Variants in ZNF772 observed in about 807,000 individuals in gnomAD.
ZNF772 encodes the protein zinc finger protein 772.
In ZNF772, 8 loss-of-function variants were observed where a neutral mutation model predicts 11.0. That is an observed-to-expected ratio of 0.73 (90% CI 0.43 to 1.31). The LOEUF is 1.31. Among genes scored for constraint, ZNF772 ranks in the 50% most tolerant of loss-of-function variants. The pLI is 0.01. For missense variants in ZNF772, 496 were observed against 552.3 expected, an observed-to-expected ratio of 0.90 and a Z score of 1.02; for synonymous variants, 155 against 180.4, an observed-to-expected ratio of 0.86 and a Z score of 1.13.
Position 57,471,331 on chromosome 19 carries a change from AAC to A in ZNF772, c.*1941_*1942del, listed in dbSNP as rs913643290. On this transcript the variant is annotated 3_prime_UTR_variant, in exon 4 of 4. Transcript: ENST00000356584. Reference sequence around the variant, plus strand: ...ATTGGTGCAAAACTTGTTACAAAAAAACAAAACAAAACAAAACAAAATAGCAA... The same window carrying A: ...ATTGGTGCAAAACTTGTTACAAAAAAAAAACAAAACAAAACAAAATAGCAA... 0.016 allele frequency: 31 copies of A among 1,972 alleles called. No individual in the cohort carries two copies. The highest frequency in any genetic ancestry group is 0.038 in the Admixed American group (17 of 444). The allele number at this position is 1,972 out of a possible 1,614,324, so 0.1% of individuals were successfully genotyped here.
At position 57,471,348 on chromosome 19, in the gene ZNF772, CAAAAT is replaced by C. The variant is rs979272398; in HGVS notation, c.*1921_*1925del. 2 of 122,836 alleles carry C rather than the reference CAAAAT, an allele frequency of 1.6e-5. No homozygotes were observed. Among genetic ancestry groups the C allele is most frequent in the Non-Finnish European group, 3.6e-5 (2 of 56,016 alleles). 7.6% of individuals were successfully genotyped at this position (122,836 alleles called of 1,614,324 possible). ...TACAAAAAAACAAAACAAAACAAAA[CAAAAT>C]AGCAAATCAAATTCAACAATATACT... is the stretch of plus-strand genomic sequence containing the variant. On this transcript the variant is annotated 3_prime_UTR_variant, in exon 4 of 4. Transcript: ENST00000356584.
At position 57,471,980 on chromosome 19, in the gene ZNF772, A is replaced by G. The variant is rs779670505; in HGVS notation, c.*1294T>C. The G allele has an allele frequency of 5.5e-5, 17 of 309,584 alleles. No homozygotes were observed. Among genetic ancestry groups the G allele is most frequent in the Non-Finnish European group, 1.3e-5 (2 of 157,666 alleles). The allele number at this position is 309,584 out of a possible 1,614,324, so 19.2% of individuals were successfully genotyped here. A position where few individuals can be genotyped will look rare whatever the true frequency, so the allele number is the denominator to read the frequency against. ...AACTTTTGGTTTGAGAAGTGCCAAC[A>G]TGTATCAAAACTTATCAAATGGTAC... On this transcript the variant is annotated 3_prime_UTR_variant, in exon 4 of 4. Coordinates refer to ENST00000356584, the MANE Select transcript of ZNF772 (RefSeq NM_001144068.2).
rs1277601016 is a variant in ZNF772, at chr19:57,476,687, G to A, written c.34-15C>T. Reference sequence around the variant, plus strand: ...TTCATGGGAACCTGTGGGGAAGAGGGAGACTATGCGAGTCAAGCAATCTTG... The same window carrying A: ...TTCATGGGAACCTGTGGGGAAGAGGAAGACTATGCGAGTCAAGCAATCTTG... On this transcript the variant is annotated splice_polypyrimidine_tract_variant and intron_variant, in intron 1 of 3. Transcript: ENST00000356584. 6.3e-7 allele frequency: 1 copy of A among 1,577,646 alleles called. No individual in the cohort carries two copies. The highest frequency in any genetic ancestry group is 8.6e-7 in the Non-Finnish European group (1 of 1,160,334).
Position 57,471,882 on chromosome 19 carries a change from C to A in ZNF772, c.*1392G>T. The A allele has an allele frequency of 7.8e-6, 2 of 256,346 alleles. No homozygotes were observed. Among genetic ancestry groups the A allele is most frequent in the East Asian group, 1.2e-4 (1 of 8,560 alleles). 15.9% of individuals were successfully genotyped at this position (256,346 alleles called of 1,614,324 possible). ...AGAATTCTAGGAAATACAAACAAAT[C>A]TACAGTGACAACGGATCAATAGTTG... is the stretch of plus-strand genomic sequence containing the variant. On this transcript the variant is annotated 3_prime_UTR_variant, in exon 4 of 4. Coordinates refer to ENST00000356584, the MANE Select transcript of ZNF772 (RefSeq NM_001144068.2).
Position 57,470,148 on chromosome 19 carries a change from G to C in ZNF772, c.*3126C>G, listed in dbSNP as rs1036483146. The C allele has an allele frequency of 2.0e-5, 3 of 152,232 alleles. No individual in the cohort carries two copies. The highest frequency in any genetic ancestry group is 4.8e-5 in the African/African-American group (2 of 41,450). 9.4% of individuals were successfully genotyped at this position (152,232 alleles called of 1,614,324 possible). A position where few individuals can be genotyped will look rare whatever the true frequency, so the allele number is the denominator to read the frequency against. ...GGAGGCTGAGGCAGGCGGATCACAA[G>C]ATCAGGAGATCGAGACCATCCTGGC... On this transcript the variant is annotated 3_prime_UTR_variant, in exon 4 of 4. Transcript: ENST00000356584.
rs2089248005 is a variant in ZNF772 at position 57,473,843 on chromosome 19, T to C, written c.778A>G (p.Lys260Glu). The C allele has an allele frequency of 4.3e-6, 7 of 1,614,044 alleles. No homozygotes were observed. The highest frequency in any genetic ancestry group is 5.9e-6 in the Non-Finnish European group (7 of 1,180,006). Residue 260 changes from lysine (K) to glutamate (E), a missense_variant, in exon 4 of 4, where the codon AAA becomes GAA. Physicochemically the swap from Lys to Glu is moderately conservative, Grantham distance 56. Transcript: ENST00000356584. Reference protein sequence around the residue: ...ERPYECGECGKTFSRKPILAQ... With the variant: ...ERPYECGECGETFSRKPILAQ... ...AGTATGGGTTTGCGGCTAAAGGTTT[T>C]CCCACATTCACCGCACTCATAAGGC...
In ZNF772 at chr19:57,471,357, A is replaced by C. The variant is rs910623615; in HGVS notation, c.*1917T>G. 6.6e-6 allele frequency: 1 copy of C among 152,202 alleles called. No homozygotes were observed. Among genetic ancestry groups the C allele is most frequent in the African/African-American group, 2.4e-5 (1 of 41,446 alleles). The allele number at this position is 152,202 out of a possible 1,614,324, so 9.4% of individuals were successfully genotyped here. A position where few individuals can be genotyped will look rare whatever the true frequency, so the allele number is the denominator to read the frequency against. ...ACAAAACAAAACAAAACAAAATAGCAAATCAAATTCAACAATATACTAAAT... is the reference window on the plus strand; with the variant it reads ...ACAAAACAAAACAAAACAAAATAGCCAATCAAATTCAACAATATACTAAAT... On this transcript the variant is annotated 3_prime_UTR_variant, in exon 4 of 4. Transcript: ENST00000356584.
In ZNF772 at chr19:57,473,914, C is replaced by T. The variant is rs767521942; in HGVS notation, c.707G>A (p.Arg236His). The change falls in exon 4 of 4, where the codon CGC becomes CAC. Residue 236 changes from arginine (R) to histidine (H), a missense_variant. Arg to His is a conservative substitution (Grantham distance 29, BLOSUM62 0). Transcript: ENST00000356584. ...KCSECGKTFSRKDSLVQHQRV... is the reference protein window; with the variant it reads ...KCSECGKTFSHKDSLVQHQRV... ...CTGGTGTTGAACAAGTGAGTCTTTG[C>T]GGCTGAAGGTTTTCCCACATTCACT... 2.5e-5 allele frequency: 41 copies of T among 1,613,962 alleles called. No homozygotes were observed. The highest frequency in any genetic ancestry group is 2.0e-4 in the Admixed American group (12 of 60,004).
At position 57,477,367 on chromosome 19, in the gene ZNF772, C is replaced by T; in HGVS notation, c.-58G>A. On this transcript the variant is annotated 5_prime_UTR_variant, in exon 1 of 4. Transcript: ENST00000356584. ...GTGCAGGAACCTGGGATCAGCTGTC[C>T]AGGGCCCAGCCCAGCGGCTAGGTCA... 4 of 1,602,626 alleles carry T rather than the reference C, an allele frequency of 2.5e-6. No homozygotes were observed. Among genetic ancestry groups the T allele is most frequent in the Non-Finnish European group, 3.4e-6 (4 of 1,172,512 alleles).
chr19:57,470,847 G>T lies in ZNF772; in HGVS notation c.*2427C>A, dbSNP rs1439424189. The T allele has an allele frequency of 1.3e-5, 2 of 152,156 alleles. No homozygotes were observed. The highest frequency in any genetic ancestry group is 1.3e-4 in the Admixed American group (2 of 15,268). The allele number at this position is 152,156 out of a possible 1,614,324, so 9.4% of individuals were successfully genotyped here. On this transcript the variant is annotated 3_prime_UTR_variant, in exon 4 of 4. Coordinates refer to ENST00000356584, the MANE Select transcript of ZNF772 (RefSeq NM_001144068.2). The stretch of plus-strand genomic sequence containing the variant: ...CACTCTAGAGATAGATGGATGGATG[G>T]AGTGACAAACAGATGGACGGACAGA...
In ZNF772 at chr19:57,473,601, G is replaced by A. The variant is rs527708615; in HGVS notation, c.1020C>T (p.Ser340=). The change falls in exon 4 of 4, where the codon AGC becomes AGT. Residue 340 remains serine, a synonymous_variant. Transcript: ENST00000356584. ...TGTGACCAAAGTATTTTCCACATTC[G>A]CTGCACTCATATGGCCTTTCTCCAG... ...IHTGERPYEC[S]ECGKYFGHKY... 24 of 1,613,220 alleles carry A rather than the reference G, an allele frequency of 1.5e-5. No homozygotes were observed. The highest frequency in any genetic ancestry group is 1.2e-4 in the African/African-American group (9 of 74,700).
In ZNF772 at chr19:57,473,751, A is replaced by G. The variant is rs773280638; in HGVS notation, c.870T>C (p.Phe290=). The change falls in exon 4 of 4, where the codon TTT becomes TTC. Residue 290 remains phenylalanine, a synonymous_variant. Transcript: ENST00000356584. Reference sequence around the variant, plus strand: ...GTACAATAAGGTTAGAGCTATGATTAAAAACTTTCCCACATATGCCACACT... The same window carrying G: ...GTACAATAAGGTTAGAGCTATGATTGAAAACTTTCCCACATATGCCACACT... The part of the protein sequence containing the change: ...PYECGICGKV[F]NHSSNLIVHQ... 34 of 1,614,144 alleles carry G rather than the reference A, an allele frequency of 2.1e-5. No homozygotes were observed. In the South Asian group the frequency reaches 3.4e-4, roughly 16 times the overall value.
Position 57,473,717 on chromosome 19 carries a change from C to A in ZNF772, c.904G>T (p.Val302Leu). Residue 302 changes from valine (V) to leucine (L), a missense_variant, in exon 4 of 4, where the codon GTA (valine) becomes TTA (leucine). Val to Leu is a conservative substitution (Grantham distance 32, BLOSUM62 1). Transcript: ENST00000356584. ...HSSNLIVHQR[V>L]HTGARPYKCS... ...TTGTAAGGCCTTGCTCCAGTGTGTA[C>A]TCTTTGATGTACAATAAGGTTAGAG... The A allele has an allele frequency of 6.2e-7, 1 of 1,614,158 alleles. No homozygotes were observed. Among genetic ancestry groups the A allele is most frequent in the Non-Finnish European group, 8.5e-7 (1 of 1,180,036 alleles).
In ZNF772 at chr19:57,475,888, C is replaced by T; in HGVS notation, c.73-102G>A. ...CTCCTGTACACCCTCCTACCTAACT[C>T]CTCAACTCAGGAAATATCAGGACCA... On this transcript the variant is annotated intron_variant, in intron 2 of 3. Coordinates refer to ENST00000356584, the MANE Select transcript of ZNF772 (RefSeq NM_001144068.2). The surrounding 1 kb of genome is among the most constrained non-coding windows in gnomAD (Gnocchi z 4.2). 1.4e-6 allele frequency: 2 copies of T among 1,468,174 alleles called. No individual in the cohort carries two copies. The highest frequency in any genetic ancestry group is 2.7e-5 in the South Asian group (2 of 74,290). 90.9% of individuals were successfully genotyped at this position (1,468,174 alleles called of 1,614,324 possible).
rs2123138075 is a variant in ZNF772, at chr19:57,470,029, T to A, written c.*3245A>T. ...TAACATACATTTAAAAAGAGCCATG[T>A]GTCAAGAAGAATTTTTTTAACTGGA... is the stretch of plus-strand genomic sequence containing the variant. On this transcript the variant is annotated 3_prime_UTR_variant, in exon 4 of 4. Coordinates refer to ENST00000356584, the MANE Select transcript of ZNF772 (RefSeq NM_001144068.2). The A allele has an allele frequency of 6.6e-6, 1 of 152,332 alleles. No homozygotes were observed. The highest frequency in any genetic ancestry group is 2.4e-5 in the African/African-American group (1 of 41,582). The allele number at this position is 152,332 out of a possible 1,614,324, so 9.4% of individuals were successfully genotyped here. A position where few individuals can be genotyped will look rare whatever the true frequency, so the allele number is the denominator to read the frequency against.
In ZNF772 at chr19:57,472,945, T is replaced by C. The variant is rs1038692815; in HGVS notation, c.*329A>G. On this transcript the variant is annotated 3_prime_UTR_variant, in exon 4 of 4. Coordinates refer to ENST00000356584, the MANE Select transcript of ZNF772 (RefSeq NM_001144068.2). ...ATCCTTGATGGCCTCAGGCTACTGATGATTCCCTCCAGGGAAGGGAATAGT... is the reference window on the plus strand; with the variant it reads ...ATCCTTGATGGCCTCAGGCTACTGACGATTCCCTCCAGGGAAGGGAATAGT... 1.1e-5 allele frequency: 3 copies of C among 274,944 alleles called. No individual in the cohort carries two copies. Among genetic ancestry groups the C allele is most frequent in the African/African-American group, 4.4e-5 (2 of 45,664 alleles). The allele number at this position is 274,944 out of a possible 1,614,324, so 17.0% of individuals were successfully genotyped here. A position where few individuals can be genotyped will look rare whatever the true frequency, so the allele number is the denominator to read the frequency against.
chr19:57,472,152 A>G lies in ZNF772; in HGVS notation c.*1122T>C, dbSNP rs1445912446. 1 of 456,284 alleles carries G rather than the reference A, an allele frequency of 2.2e-6. No homozygotes were observed. Among genetic ancestry groups the G allele is most frequent in the South Asian group, 1.5e-5 (1 of 64,564 alleles). The allele number at this position is 456,284 out of a possible 1,614,324, so 28.3% of individuals were successfully genotyped here. On this transcript the variant is annotated 3_prime_UTR_variant, in exon 4 of 4. Coordinates refer to ENST00000356584, the MANE Select transcript of ZNF772 (RefSeq NM_001144068.2). Reference sequence around the variant, plus strand: ...TGGAAACACATGTGGATGTACCTTTAGAAGGGTCATATTCCCTATAGTTTG... The same window carrying G: ...TGGAAACACATGTGGATGTACCTTTGGAAGGGTCATATTCCCTATAGTTTG...
At position 57,473,878 on chromosome 19, in the gene ZNF772, G is replaced by C; in HGVS notation, c.743C>G (p.Thr248Ser). 2 of 1,614,220 alleles carry C rather than the reference G, an allele frequency of 1.2e-6. No individual in the cohort carries two copies. The highest frequency in any genetic ancestry group is 1.7e-6 in the Non-Finnish European group (2 of 1,180,030). The change falls in exon 4 of 4, where the codon ACT (threonine) becomes AGT (serine). Residue 248 changes from threonine to serine, a missense_variant. Transcript: ENST00000356584. ...DSLVQHQRVH[T>S]GERPYECGEC... ...ACCGCACTCATAAGGCCTTTCTCCAGTGTGGACTCTCTGGTGTTGAACAAG... is the reference window on the plus strand; with the variant it reads ...ACCGCACTCATAAGGCCTTTCTCCACTGTGGACTCTCTGGTGTTGAACAAG...
rs2089236358 is a variant in ZNF772 at position 57,473,263 on chromosome 19, T to C, written c.*11A>G. The C allele has an allele frequency of 3.7e-6, 6 of 1,602,188 alleles. No homozygotes were observed. The East Asian group carries it at 1.1e-4, about 30-fold the overall frequency. On this transcript the variant is annotated 3_prime_UTR_variant, in exon 4 of 4. Transcript: ENST00000356584. ...ATTATGTTGAACAAGGAAACGGAAT[T>C]ATCTCCCATCCTAAGGCCTTTCTCC...
Sources: gnomAD v4.1 joint callset for allele counts on GRCh38, gnomAD v4.1.1 for gene constraint, Gnocchi (gnomAD v3.1) non-coding constraint, MANE v1.5 for transcripts, NCBI Gene and HGNC (gene_info 2026-07-23, HGNC 2026-07-21) for gene names.